Variants in MSL2 observed in about 807,000 individuals in gnomAD.
MSL2 encodes the protein MSL complex subunit 2, also known as E3 ubiquitin-protein ligase MSL2.
A neutral mutation model predicts 35.8 loss-of-function variants in MSL2; 2 were observed. The observed-to-expected ratio is 0.06, with a 90% CI of 0.02 to 0.18. MSL2 has a LOEUF of 0.18. Ranked by LOEUF, MSL2 falls within the 10% of genes least tolerant of loss-of-function variation. The probability of loss-of-function intolerance (pLI) is 1.00; values close to 1 mark genes in which losing one functional copy is unlikely to be tolerated. For synonymous variants in MSL2, 296 were observed against 255.7 expected (o/e 1.16, Z -1.50); for missense variants, 523 against 706.7 (o/e 0.74, Z 2.95).
chr3:136,157,264 G>A (rs1326928141), intron 1 of MSL2, among the ~76,000 whole-genome samples: 1 of 117,748 alleles, frequency 8.5e-6, no homozygotes, highest in East Asian at 2.0e-4. Context: ...CCGATCACCT[G>A]AGGTCAGGAA....
In MSL2 at chr3:136,194,986, G is replaced by A. The variant is rs764130883; in HGVS notation, c.128C>T (p.Ser43Leu). The A allele has an allele frequency of 4.3e-6, 7 of 1,613,736 alleles. No individual in the cohort carries two copies. Among genetic ancestry groups the A allele is most frequent in the Non-Finnish European group, 3.4e-6 (4 of 1,179,952 alleles). ...RLLPYFRQSL[S>L]CCVCGHLLQD... is the part of the protein sequence containing the mutation. ...AAGCGTCTCACCGCAAACACAGCACGAAAGGGACTGTCGGAAGTAAGGCAA... is the reference window on the plus strand; with the variant it reads ...AAGCGTCTCACCGCAAACACAGCACAAAAGGGACTGTCGGAAGTAAGGCAA... Residue 43 changes from serine to leucine, a missense_variant, in exon 1 of 2, where the codon TCG (serine) becomes TTG (leucine). Around this residue, in one of 5 missense-constraint regions of MSL2, gnomAD observed 41 missense variants for 83.3 expected, o/e 0.49. Transcript: ENST00000309993.
chr3:136,156,253 T>C (rs1470180030), intron 1 of MSL2, among the ~76,000 whole-genome samples: 3 of 152,054 alleles, frequency 2.0e-5, no homozygotes, highest in Admixed American at 6.6e-5. Context: ...AAAATCAAAG[T>C]AGTCTCTAAA....
chr3:136,175,014 C>G (rs1940132785), intron 1 of MSL2, among the ~76,000 whole-genome samples: 1 of 152,160 alleles, frequency 6.6e-6, no homozygotes, highest in South Asian at 2.1e-4. Context: ...TAAACACGTA[C>G]ACTCTATTTC....
At chr3:136,194,563 G>T in intron 1 of MSL2, 1 of 508,182 alleles carries the variant, frequency 2.0e-6, no homozygotes, top group Non-Finnish European at 2.6e-6. Context: ...TTGGGGAAAT[G>T]CAAACACGCC....
At chr3:136,163,475 G>C (rs956663345) in intron 1 of MSL2, among the ~76,000 whole-genome samples, 5 of 152,152 alleles carry the variant, frequency 3.3e-5, no homozygotes, top group African/African-American at 1.2e-4. Context: ...CTTTTCAAAG[G>C]AATCAGAGCT....
At chr3:136,175,831 C>T (rs1039115442) in intron 1 of MSL2, among the ~76,000 whole-genome samples, 1 of 152,130 alleles carries the variant, frequency 6.6e-6, no homozygotes, top group African/African-American at 2.4e-5. Context: ...ATTTCTCCTT[C>T]CTCCATTACA....
intron 1 of MSL2, among the ~76,000 whole-genome samples, chr3:136,169,655 G>A (rs1246519910): frequency 6.6e-6 from 1 of 151,960 alleles, no homozygotes; most frequent in Non-Finnish European, 1.5e-5. Flanking sequence ...TCACCATGTT[G>A]GCCAGGGTGG....
In MSL2 at chr3:136,180,799, AGGGAGGGAG is replaced by A. The variant is rs1559969266; in HGVS notation, c.142+14164_142+14172del. ...GAGGGAGGGAGGGAGGGAGGGAGGG[AGGGAGGGAG>A]GGAAGGAGGGAAGGAAGGAAGGAAG... is the stretch of plus-strand genomic sequence containing the variant. On this transcript the variant is annotated intron_variant, in intron 1 of 1. Coordinates refer to ENST00000309993, the MANE Select transcript of MSL2 (RefSeq NM_018133.4). Among the ~76,000 whole-genome samples the A allele has an allele frequency of 4.0e-4, 30 of 74,324 alleles. 1 individual carries two copies. The highest frequency in any genetic ancestry group is 1.2e-3 in the African/African-American group (24 of 19,356). 48.8% of individuals were successfully genotyped at this position (74,324 alleles called of 152,430 possible).
In MSL2 at chr3:136,151,103, G is replaced by A. The variant is rs1427797751; in HGVS notation, c.*44C>T. 2.5e-6 allele frequency: 4 copies of A among 1,582,466 alleles called. No individual in the cohort carries two copies. Among genetic ancestry groups the A allele is most frequent in the East Asian group, 4.5e-5 (2 of 44,424 alleles). On this transcript the variant is annotated 3_prime_UTR_variant, in exon 2 of 2. Transcript: ENST00000309993. This position sits in a 1 kb window ranked among gnomAD's most constrained non-coding sequence, Gnocchi z 5.2. ...ACAGAACCATAGCTGCCGTAAAACT[G>A]TAGCTATTTCCCTACCAGGAGTAGG... is the stretch of plus-strand genomic sequence containing the variant.
intron 1 of MSL2, chr3:136,155,660 TA>T: frequency 2.1e-6 from 1 of 476,692 alleles, no homozygotes; most frequent in Non-Finnish European, 4.3e-6. Context: ...TACAGGACAG[TA>T]ACGAGCTAAA....
intron 1 of MSL2, among the ~76,000 whole-genome samples, chr3:136,168,321 A>T (rs1939909342): frequency 2.0e-5 from 3 of 152,230 alleles, no homozygotes; most frequent in African/African-American, 7.2e-5. Context: ...CTTTAAAATC[A>T]TTACTAAAGA....
At chr3:136,167,578 TTTTG>T (rs1939885571) in intron 1 of MSL2, among the ~76,000 whole-genome samples, 2 of 152,162 alleles carry the variant, frequency 1.3e-5, no homozygotes, top group African/African-American at 4.8e-5. Context: ...TACATAAACC[TTTTG>T]TTTATGACTC....
intron 1 of MSL2, among the ~76,000 whole-genome samples, chr3:136,181,189 A>C (rs1940350143): frequency 6.6e-6 from 1 of 151,944 alleles, no homozygotes; most frequent in Non-Finnish European, 1.5e-5. Context: ...CGTGAACCAA[A>C]TATTTAGAAT....
intron 1 of MSL2, among the ~76,000 whole-genome samples, chr3:136,190,487 G>C (rs1940656860): frequency 6.6e-6 from 1 of 151,134 alleles, no homozygotes; most frequent in Admixed American, 6.6e-5. Context: ...GGAGGCTGCA[G>C]TGAACTATGA....
At chr3:136,191,201 G>A (rs1458695797) in intron 1 of MSL2, among the ~76,000 whole-genome samples, 1 of 152,124 alleles carries the variant, frequency 6.6e-6, no homozygotes, top group Non-Finnish European at 1.5e-5. Context: ...GAGCACGGTG[G>A]CTCACACCTG....
At chr3:136,165,812 A>T (rs1559962328) in intron 1 of MSL2, among the ~76,000 whole-genome samples, 2 of 152,260 alleles carry the variant, frequency 1.3e-5, no homozygotes, top group African/African-American at 4.8e-5. Flanking sequence ...AAGACCTAGT[A>T]TTTGATAGCA....
intron 1 of MSL2, among the ~76,000 whole-genome samples, chr3:136,194,731 G>T (rs1285498727): frequency 6.6e-6 from 1 of 151,472 alleles, no homozygotes. Flanking sequence ...GATGAACCGA[G>T]GCGAATTAAA....
chr3:136,156,691 C>T (rs976017284), intron 1 of MSL2, among the ~76,000 whole-genome samples: 1 of 152,044 alleles, frequency 6.6e-6, no homozygotes, highest in African/African-American at 2.4e-5. Context: ...GGTGAAACCC[C>T]ATCAATACAA....
intron 1 of MSL2, among the ~76,000 whole-genome samples, chr3:136,192,135 C>T (rs576718760): frequency 1.3e-5 from 2 of 152,294 alleles, no homozygotes; most frequent in East Asian, 3.9e-4. Flanking sequence ...TATCTTATGA[C>T]TGGAACAAAG....
Sources: allele counts gnomAD v4.1 joint callset (sites outside exome capture counted in the v4.1 genomes callset), GRCh38; gene constraint gnomAD v4.1.1; regional missense constraint gnomAD v4.1.1; non-coding constraint Gnocchi (gnomAD v3.1); transcripts MANE v1.5; gene names NCBI Gene and HGNC (gene_info 2026-07-23, HGNC 2026-07-21).